Variants in FER observed in about 807,000 individuals in gnomAD.
The protein encoded by FER is FER tyrosine kinase.
In FER, 63 loss-of-function variants were observed where a neutral mutation model predicts 111.0. That is an observed-to-expected ratio of 0.57 (90% CI 0.46 to 0.70). The LOEUF is 0.70. FER is among the 30% of genes least tolerant of loss of function. The probability of loss-of-function intolerance (pLI) is 0.00; values close to 1 mark genes in which losing one functional copy is unlikely to be tolerated. For synonymous variants in FER, 327 were observed against 313.9 expected (o/e 1.04, Z -0.44); for missense variants, 914 against 954.0 (o/e 0.96, Z 0.55).
rs565219916 is a variant in FER, at chr5:109,153,007, A to C, written c.2049-27740A>C. 2.6e-5 allele frequency among the ~76,000 whole-genome samples: 4 copies of C among 152,032 alleles called. No individual in the cohort carries two copies. The South Asian group carries it at 8.3e-4, about 32-fold the overall frequency. On this transcript the variant is annotated intron_variant, in intron 17 of 19. Coordinates refer to ENST00000281092, the MANE Select transcript of FER (RefSeq NM_005246.4). ...ATCAAAAAAGAGTATGGAAGAAGAT[A>C]CCATAGCTATATACATGGTATATGT... is the stretch of plus-strand genomic sequence containing the variant.
At chr5:108,901,647 T>A (rs1295153062) in intron 10 of FER, among the ~76,000 whole-genome samples, 1 of 152,274 alleles carries the variant, frequency 6.6e-6, no homozygotes, top group African/African-American at 2.4e-5. Context: ...AACCTTAATA[T>A]TATTTAAAAA....
At chr5:108,755,577 C>T (rs533624915) in intron 1 of FER, among the ~76,000 whole-genome samples, 29 of 152,166 alleles carry the variant, frequency 1.9e-4, no homozygotes, top group African/African-American at 6.7e-4. Context: ...CCTCCACCTC[C>T]CGGGTTCAAG....
intron 10 of FER, among the ~76,000 whole-genome samples, chr5:108,927,425 T>C (rs1295054946): frequency 1.3e-5 from 2 of 151,484 alleles, no homozygotes; most frequent in African/African-American, 4.9e-5. Context: ...CGCGCCCGGC[T>C]AATTTTTTGT....
chr5:108,886,385 G>A (rs894192940), intron 9 of FER, among the ~76,000 whole-genome samples: 3 of 147,096 alleles, frequency 2.0e-5, no homozygotes, highest in African/African-American at 7.5e-5. Flanking sequence ...TATTATGCTG[G>A]GTATTTATAT....
chr5:108,843,075 C>T (rs1204363346), intron 5 of FER: 1 of 152,234 alleles, frequency 6.6e-6, no homozygotes, highest in Non-Finnish European at 1.5e-5. Context: ...CTGCCTCACA[C>T]TCTTCCCCTC....
intron 13 of FER, among the ~76,000 whole-genome samples, chr5:108,971,343 A>AT (rs1760644173): frequency 6.6e-6 from 1 of 151,738 alleles, no homozygotes; most frequent in Admixed American, 6.6e-5. Context: ...AAAATAAGTA[A>AT]TGGTAGGAAT....
chr5:109,063,243 TA>T (rs1774658687), intron 16 of FER, among the ~76,000 whole-genome samples: 1 of 152,342 alleles, frequency 6.6e-6, no homozygotes. Context: ...TAAATTCTTT[TA>T]AAAAATAAAC....
At chr5:108,781,265 A>G (rs1754047093) in intron 2 of FER, among the ~76,000 whole-genome samples, 1 of 152,112 alleles carries the variant, frequency 6.6e-6, no homozygotes, top group African/African-American at 2.4e-5. Flanking sequence ...ATCTTGGCAT[A>G]CTGCAACCTC....
At chr5:108,929,011 G>T (rs943165967) in intron 10 of FER, among the ~76,000 whole-genome samples, 1 of 152,022 alleles carries the variant, frequency 6.6e-6, no homozygotes, top group East Asian at 1.9e-4. Flanking sequence ...AAATATATCT[G>T]TAGGGATATG....
In FER at chr5:108,806,818, C is replaced by T. The variant is rs946988944; in HGVS notation, c.207+8429C>T. ...GCTTTTGATTTTACAAGTTCATAGG[C>T]GGAAGGGACTTGCCTTGTCTCAGAT... On this transcript the variant is annotated intron_variant, in intron 3 of 19. Coordinates refer to ENST00000281092, the MANE Select transcript of FER (RefSeq NM_005246.4). 7.2e-5 allele frequency among the ~76,000 whole-genome samples: 11 copies of T among 152,060 alleles called. 1 individual carries two copies. The highest frequency in any genetic ancestry group is 4.1e-4 in the South Asian group (2 of 4,828).
chr5:108,992,363 C>T (rs1457047800), intron 13 of FER, among the ~76,000 whole-genome samples: 2 of 152,360 alleles, frequency 1.3e-5, no homozygotes, highest in Non-Finnish European at 2.9e-5. Flanking sequence ...CCATTGTCAT[C>T]ATGGCCCGTT....
At chr5:108,845,013 T>TGTATATATAC (rs1561502721) in intron 5 of FER, among the ~76,000 whole-genome samples, 1 of 57,212 alleles carries the variant, frequency 1.7e-5, no homozygotes, top group African/African-American at 5.9e-5. Context: ...TATATATATA[T>TGTATATATAC]ATATATATAT....
chr5:108,835,728 G>T lies in FER; in HGVS notation c.402G>T (p.Glu134Asp). The change falls in exon 5 of 20, where the codon GAG becomes GAT. Residue 134 changes from glutamate to aspartate, a missense_variant. Transcript: ENST00000281092. ...GACAGGTTACCAAAACAGAATTGGA[G>T]AAGTTAAAATGCAGCTATAGACAAT... ...EMIKVTKTEL[E>D]KLKCSYRQLI... The T allele has an allele frequency of 6.4e-7, 1 of 1,567,316 alleles. No homozygotes were observed. The highest frequency in any genetic ancestry group is 8.6e-7 in the Non-Finnish European group (1 of 1,162,774).
chr5:108,885,290 C>T (rs940974524), intron 9 of FER, among the ~76,000 whole-genome samples: 10 of 151,954 alleles, frequency 6.6e-5, no homozygotes, highest in Admixed American at 6.6e-4. Context: ...TCAACCTAAC[C>T]TGGTTCACTC....
chr5:108,823,150 A>C (rs1759081576), intron 3 of FER, among the ~76,000 whole-genome samples: 1 of 152,234 alleles, frequency 6.6e-6, no homozygotes, highest in Non-Finnish European at 1.5e-5. Context: ...TACAGGCATG[A>C]ACCACTGTGC....
At chr5:108,831,828 G>C (rs1177245595) in intron 3 of FER, among the ~76,000 whole-genome samples, 1 of 152,192 alleles carries the variant, frequency 6.6e-6, no homozygotes, top group African/African-American at 2.4e-5. Context: ...AAAAATAATA[G>C]AGTAGAAAAT....
Position 109,014,627 on chromosome 5 carries a change from T to C in FER, c.1657-22795T>C, listed in dbSNP as rs374721960. 2.0e-4 allele frequency among the ~76,000 whole-genome samples: 31 copies of C among 152,286 alleles called. 1 individual carries two copies. The East Asian group carries it at 5.0e-3, about 25-fold the overall frequency. On this transcript the variant is annotated intron_variant, in intron 13 of 19. Coordinates refer to ENST00000281092, the MANE Select transcript of FER (RefSeq NM_005246.4). ...TTTCCAATTCTGTGAAGAAAGTCATTGGTAGCTTGATGGGGATGGCATTGA... is the reference window on the plus strand; with the variant it reads ...TTTCCAATTCTGTGAAGAAAGTCATCGGTAGCTTGATGGGGATGGCATTGA...
At chr5:109,030,083 T>C (rs1769383516) in intron 13 of FER, among the ~76,000 whole-genome samples, 1 of 152,168 alleles carries the variant, frequency 6.6e-6, no homozygotes, top group African/African-American at 2.4e-5. Flanking sequence ...TAGCCTCTCT[T>C]ATCTTCACTT....
At chr5:109,110,550 A>G (rs75704788) in intron 17 of FER, among the ~76,000 whole-genome samples, 2,704 of 152,242 alleles carry the variant, frequency 0.018, 74 homozygotes, top group African/African-American at 0.061. Context: ...CATTGAAAGG[A>G]CTGTGGCTTT....
Sources: gnomAD v4.1 joint callset for allele counts (sites outside exome capture counted in the v4.1 genomes callset) on GRCh38, gnomAD v4.1.1 for gene constraint, MANE v1.5 for transcripts, NCBI Gene and HGNC (gene_info 2026-07-23, HGNC 2026-07-21) for gene names.